Variants in FBXO11 observed in about 807,000 individuals in gnomAD.
FBXO11 encodes F-box only protein 11.
A neutral mutation model predicts 117.0 loss-of-function variants in FBXO11; 13 were observed. The ratio of observed to expected loss-of-function variants is 0.11; its 90% confidence interval spans 0.07 to 0.18. The LOEUF is 0.18. Ranked by LOEUF, FBXO11 falls within the 10% of genes least tolerant of loss-of-function variation. The pLI, the probability that FBXO11 is intolerant of heterozygous loss-of-function variation, is 1.00. For missense variants in FBXO11, 767 were observed against 1,164.4 expected (o/e 0.66, Z 4.97); for synonymous variants, 490 against 380.5 (o/e 1.29, Z -3.35).
At chr2:47,898,878 T>G (rs1025588616) in intron 1 of FBXO11, among the ~76,000 whole-genome samples, 4 of 152,154 alleles carry the variant, frequency 2.6e-5, no homozygotes, top group Admixed American at 6.5e-5. Flanking sequence ...ATAAATCAAT[T>G]TTGAAATTTT....
intron 1 of FBXO11, among the ~76,000 whole-genome samples, chr2:47,850,374 TGA>T (rs1325708605): frequency 2.0e-5 from 3 of 151,002 alleles, no homozygotes; most frequent in Non-Finnish European, 4.4e-5. Context: ...CAAGCATTAG[TGA>T]GTCATTTGGG....
rs1672423561 is a variant in FBXO11 at position 47,834,705 on chromosome 2, C to G, written c.808G>C (p.Asp270His). 1 of 1,608,096 alleles carries G rather than the reference C, an allele frequency of 6.2e-7. No individual in the cohort carries two copies. The highest frequency in any genetic ancestry group is 8.5e-7 in the Non-Finnish European group (1 of 1,178,098). Residue 270 changes from aspartate to histidine, a missense_variant, in exon 7 of 23, where the codon GAT becomes CAT. Asp to His is a moderately conservative substitution (Grantham distance 81). Around this residue, in one of 10 missense-constraint regions of FBXO11, gnomAD observed 32 missense variants for 48.4 expected, o/e 0.66. Coordinates refer to ENST00000403359, the MANE Select transcript of FBXO11 (RefSeq NM_001190274.2). ...YKGRENMLYY[D>H]TIEDALGGVQ... Reference sequence around the variant, plus strand: ...CCACCAAGGGCATCTTCAATAGTATCATAATACTAGAAAAAAATAAATGTG... The same window carrying G: ...CCACCAAGGGCATCTTCAATAGTATGATAATACTAGAAAAAAATAAATGTG...
intron 1 of FBXO11, among the ~76,000 whole-genome samples, chr2:47,862,986 T>C (rs1360391892): frequency 2.1e-5 from 3 of 145,792 alleles, no homozygotes; most frequent in Non-Finnish European, 4.5e-5. Flanking sequence ...ACCCCGGAAG[T>C]GAAAGTTGCA....
In FBXO11 at chr2:47,863,113, A is replaced by G. The variant is rs574366069; in HGVS notation, c.233-23344T>C. ...AAACAAAAAAAACCACCATACACAC[A>G]CAAAACAAAACGAAACAAAAGTTTT... is the stretch of plus-strand genomic sequence containing the variant. On this transcript the variant is annotated intron_variant, in intron 1 of 22. Coordinates refer to ENST00000403359, the MANE Select transcript of FBXO11 (RefSeq NM_001190274.2). Among the ~76,000 whole-genome samples the G allele has an allele frequency of 2.6e-5, 4 of 152,032 alleles. No individual in the cohort carries two copies. The East Asian group carries it at 7.7e-4, about 29-fold the overall frequency.
intron 1 of FBXO11, among the ~76,000 whole-genome samples, chr2:47,844,947 A>G (rs1673294372): frequency 6.6e-6 from 1 of 152,062 alleles, no homozygotes; most frequent in Non-Finnish European, 1.5e-5. Context: ...CTTATTACAT[A>G]TTTCATTTTG....
chr2:47,862,343 G>T (rs1674844374), intron 1 of FBXO11, among the ~76,000 whole-genome samples: 1 of 152,220 alleles, frequency 6.6e-6, no homozygotes, highest in Admixed American at 6.5e-5. Context: ...ATTGGGACTA[G>T]AGCAGTAATA....
chr2:47,872,837 G>A (rs2103840836), intron 1 of FBXO11, among the ~76,000 whole-genome samples: 1 of 151,946 alleles, frequency 6.6e-6, no homozygotes, highest in East Asian at 1.9e-4. Flanking sequence ...TTTTGTTTTG[G>A]AAAATAGTTA....
At chr2:47,825,270 T>C (rs115077255) in intron 11 of FBXO11, among the ~76,000 whole-genome samples, 4,834 of 152,290 alleles carry the variant, frequency 0.032, 109 homozygotes, top group Non-Finnish European at 0.049. Context: ...ATTTGGATTA[T>C]AACCTTATTC....
At chr2:47,820,043 T>C (rs1011449318) in intron 14 of FBXO11, among the ~76,000 whole-genome samples, 7 of 152,196 alleles carry the variant, frequency 4.6e-5, no homozygotes, top group East Asian at 1.9e-4. Flanking sequence ...GTAACAAATA[T>C]AATAGACTGC....
At chr2:47,812,147 A>C (rs910704790) in intron 18 of FBXO11, among the ~76,000 whole-genome samples, 10 of 152,106 alleles carry the variant, frequency 6.6e-5, no homozygotes, top group Admixed American at 6.6e-4. Flanking sequence ...CTGTAGCCTC[A>C]ATTTTCTGTA....
intron 1 of FBXO11, among the ~76,000 whole-genome samples, chr2:47,850,894 C>T (rs1171196267): frequency 6.6e-6 from 1 of 152,170 alleles, no homozygotes; most frequent in Non-Finnish European, 1.5e-5. Context: ...CTTCCATTCT[C>T]ATATTTGTTC....
At chr2:47,821,512 C>T (rs913683890) in intron 13 of FBXO11, among the ~76,000 whole-genome samples, 4 of 151,138 alleles carry the variant, frequency 2.6e-5, no homozygotes, top group African/African-American at 4.9e-5. Flanking sequence ...TGGGAGGCTG[C>T]GGCAGGAGAA....
At chr2:47,902,047 T>C (rs1678338004) in intron 1 of FBXO11, among the ~76,000 whole-genome samples, 1 of 152,242 alleles carries the variant, frequency 6.6e-6, no homozygotes, top group Non-Finnish European at 1.5e-5. Context: ...GCGATTCTCC[T>C]GCCTCAGCCT....
intron 1 of FBXO11, among the ~76,000 whole-genome samples, chr2:47,842,204 C>T (rs374058995): frequency 2.0e-5 from 3 of 151,456 alleles, no homozygotes; most frequent in East Asian, 2.0e-4. Context: ...TTGATAGAGA[C>T]GGGGTTTCAC....
chr2:47,819,214 T>C (rs1360004697), intron 14 of FBXO11, 136 bp from the exon 15 acceptor site: 11 of 777,384 alleles, frequency 1.4e-5, no homozygotes, highest in South Asian at 5.6e-5. Context: ...ATGGCAATAT[T>C]CTTTTGTTTT....
At position 47,847,896 on chromosome 2, in the gene FBXO11, G is replaced by A. The variant is rs369704100; in HGVS notation, c.233-8127C>T. On this transcript the variant is annotated intron_variant, in intron 1 of 22. Transcript: ENST00000403359. Reference sequence around the variant, plus strand: ...TCCCAGCACTTTGGGAGGCTGAGGCGGGTGGATCATGAGGTCAGGAGATTG... The same window carrying A: ...TCCCAGCACTTTGGGAGGCTGAGGCAGGTGGATCATGAGGTCAGGAGATTG... 9.2e-5 allele frequency among the ~76,000 whole-genome samples: 14 copies of A among 152,036 alleles called. No individual in the cohort carries two copies. In the East Asian group the frequency reaches 1.5e-3, roughly 17 times the overall value.
chr2:47,838,994 G>A lies in FBXO11; in HGVS notation c.452C>T (p.Ala151Val), dbSNP rs1672808447. The change falls in exon 4 of 23, where the codon GCT (alanine) becomes GTT (valine). Residue 151 changes from alanine to valine, a missense_variant. Around this residue, in one of 10 missense-constraint regions of FBXO11, gnomAD observed 355 missense variants for 299.8 expected, o/e 1.18. Transcript: ENST00000403359. The part of the protein sequence containing the change: ...GKSQDLSAAP[A>V]EQYLQEKLPD... The stretch of plus-strand genomic sequence containing the variant: ...CAGTTTCTCCTGAAGATACTGTTCA[G>A]CAGGTGCTGCTATAAAGAGATTAAC... 2 of 1,613,188 alleles carry A rather than the reference G, an allele frequency of 1.2e-6. No individual in the cohort carries two copies. The highest frequency in any genetic ancestry group is 1.7e-5 in the Admixed American group (1 of 59,914).
chr2:47,896,400 G>A (rs1407144658), intron 1 of FBXO11, among the ~76,000 whole-genome samples: 1 of 151,248 alleles, frequency 6.6e-6, no homozygotes, highest in Non-Finnish European at 1.5e-5. Flanking sequence ...CTCAATCACA[G>A]TTCACTCTAG....
chr2:47,905,696 G>T lies in FBXO11; in HGVS notation c.25C>A (p.Arg9=), dbSNP rs2104142089. The T allele has an allele frequency of 1.3e-6, 2 of 1,522,532 alleles. No homozygotes were observed. Among genetic ancestry groups the T allele is most frequent in the Non-Finnish European group, 8.8e-7 (1 of 1,137,326 alleles). 94.3% of individuals were successfully genotyped at this position (1,522,532 alleles called of 1,614,324 possible). ...GGCCGCGACACTCGCCTGGGTCTCC[G>T]GTTGGCGGCTCGGACGGAGTTCATT... MNSVRAAN[R]RPRRVSRPRP... is the part of the protein sequence containing the mutation. The change falls in exon 1 of 23, where the codon CGG becomes AGG. Residue 9 remains arginine (R), a synonymous_variant. Coordinates refer to ENST00000403359, the MANE Select transcript of FBXO11 (RefSeq NM_001190274.2).
Sources: allele counts gnomAD v4.1 joint callset (sites outside exome capture counted in the v4.1 genomes callset), GRCh38; gene constraint gnomAD v4.1.1; regional missense constraint gnomAD v4.1.1; transcripts MANE v1.5; gene names NCBI Gene and HGNC (gene_info 2026-07-23, HGNC 2026-07-21).